The following SNX6 variants were observed in gnomAD, a reference collection of about 807,000 sequenced individuals.
SNX6 encodes the protein sorting nexin 6, also known as sorting nexin-6.
SNX6 carries 34 observed loss-of-function variants against 63.0 expected under a neutral mutation model. That is an observed-to-expected ratio of 0.54 (90% CI 0.41 to 0.72). The LOEUF (loss-of-function observed/expected upper bound fraction) is 0.72. SNX6 is among the 30% of genes least tolerant of loss of function. SNX6 has a pLI of 0.00. For synonymous variants in SNX6, 170 were observed against 164.2 expected (o/e 1.04, Z -0.27); for missense variants, 398 against 471.4 (o/e 0.84, Z 1.44).
rs936080802 is a variant in SNX6 at position 34,567,613 on chromosome 14, T to G, written c.1167+73A>C. 1.2e-5 allele frequency: 14 copies of G among 1,167,620 alleles called. No homozygotes were observed. In the South Asian group the frequency reaches 1.7e-4, roughly 14 times the overall value. The allele number at this position is 1,167,620 out of a possible 1,614,324, so 72.3% of individuals were successfully genotyped here. A position where few individuals can be genotyped will look rare whatever the true frequency, so the allele number is the denominator to read the frequency against. ...CCCTATGAGAACTGACATTAAAGAATTATCAATGTCATAACTGATTCATTT... is the reference window on the plus strand; with the variant it reads ...CCCTATGAGAACTGACATTAAAGAAGTATCAATGTCATAACTGATTCATTT... On this transcript the variant is annotated intron_variant, in intron 13 of 13. Transcript: ENST00000362031.
intron 8 of SNX6, among the ~76,000 whole-genome samples, chr14:34,587,798 ATTTTTT>A (rs1168575667): frequency 9.3e-6 from 1 of 107,060 alleles, no homozygotes; most frequent in African/African-American, 3.5e-5. Context: ...CGGTTGGCTA[ATTTTTT>A]TTTTTTTTTT....
At chr14:34,586,640 A>G (rs1882167995) in intron 8 of SNX6, among the ~76,000 whole-genome samples, 1 of 152,050 alleles carries the variant, frequency 6.6e-6, no homozygotes, top group South Asian at 2.1e-4. Flanking sequence ...CCCAGGACAC[A>G]GAGGTTGCAG....
At chr14:34,626,667 T>TAAAAAAA (rs1594755260) in intron 2 of SNX6, among the ~76,000 whole-genome samples, 31 of 20,690 alleles carry the variant, frequency 1.5e-3, no homozygotes, top group Admixed American at 2.3e-3. Context: ...AGACTCCATT[T>TAAAAAAA]CAAAAAAAAA....
chr14:34,597,405 C>T (rs941064393), intron 7 of SNX6, 145 bp downstream of exon 7: 1 of 595,484 alleles, frequency 1.7e-6, no homozygotes, highest in Non-Finnish European at 3.0e-6. Context: ...GAATCTAGGT[C>T]AGGAGGATTC....
intron 11 of SNX6, among the ~76,000 whole-genome samples, chr14:34,571,294 G>T (rs145498209): frequency 0.019 from 2,895 of 151,872 alleles, 87 homozygotes; most frequent in African/African-American, 0.065. Flanking sequence ...TTAGCCGGGC[G>T]TGGTGGTGGG....
rs188459583 is a variant in SNX6, at chr14:34,599,471, G to C, written c.517-1826C>G. On this transcript the variant is annotated intron_variant, in intron 6 of 13. Coordinates refer to ENST00000362031, the MANE Select transcript of SNX6 (RefSeq NM_152233.4). ...AAAATACTAAAACTAGCTGGGCGTC[G>C]TGGCATCCGCCTATAATCCCAGCTA... Among the ~76,000 whole-genome samples, 45 of 152,182 alleles carry C rather than the reference G, an allele frequency of 3.0e-4. No homozygotes were observed. In the East Asian group the frequency reaches 7.3e-3, roughly 25 times the overall value.
At chr14:34,569,623 C>T (rs555709064) in intron 11 of SNX6, among the ~76,000 whole-genome samples, 1 of 152,154 alleles carries the variant, frequency 6.6e-6, no homozygotes, top group South Asian at 2.1e-4. Flanking sequence ...GATGGGGATT[C>T]ACCTATTCTG....
chr14:34,610,330 G>A (rs116721085), intron 2 of SNX6, among the ~76,000 whole-genome samples: 3,069 of 131,490 alleles, frequency 0.023, 110 homozygotes, highest in African/African-American at 0.08. Flanking sequence ...ACTCCAGCCT[G>A]GATGACAGAG....
intron 10 of SNX6, among the ~76,000 whole-genome samples, chr14:34,576,306 A>G (rs1881699032): frequency 6.6e-6 from 1 of 151,938 alleles, no homozygotes; most frequent in Admixed American, 6.6e-5. Flanking sequence ...TAACTATAGT[A>G]TCCATTCCTA....
Position 34,603,444 on chromosome 14 carries a change from T to C in SNX6, c.420A>G (p.Thr140=), listed in dbSNP as rs762247733. ...ACAGGAACACTTCATGCATCGCAAC[T>C]GTCTTCTTGAATATTGCCAAATATT... ...EAEYLAIFKK[T]VAMHEVFLCR... Residue 140 remains threonine (T), a synonymous_variant, in exon 6 of 14, where the codon ACA becomes ACG. Coordinates refer to ENST00000362031, the MANE Select transcript of SNX6 (RefSeq NM_152233.4). 5.0e-6 allele frequency: 8 copies of C among 1,600,740 alleles called. No individual in the cohort carries two copies. Among genetic ancestry groups the C allele is most frequent in the Non-Finnish European group, 6.0e-6 (7 of 1,174,106 alleles).
intron 2 of SNX6, among the ~76,000 whole-genome samples, chr14:34,626,378 G>A (rs1425583370): frequency 1.3e-5 from 2 of 151,880 alleles, no homozygotes; most frequent in African/African-American, 2.4e-5. Flanking sequence ...TCTGGGGCCA[G>A]GCACGGTGGC....
chr14:34,576,415 G>A (rs1490763861), intron 10 of SNX6, among the ~76,000 whole-genome samples: 1 of 147,752 alleles, frequency 6.8e-6, no homozygotes, highest in Non-Finnish European at 1.5e-5. Flanking sequence ...AATGAGACTC[G>A]TGAGTTTATG....
At position 34,567,745 on chromosome 14, in the gene SNX6, C is replaced by T; in HGVS notation, c.1108G>A (p.Val370Ile). 2 of 1,613,842 alleles carry T rather than the reference C, an allele frequency of 1.2e-6. No individual in the cohort carries two copies. Among genetic ancestry groups the T allele is most frequent in the South Asian group, 2.2e-5 (2 of 91,070 alleles). ...QELIDFKTRR[V>I]AAFRKNLVEL... is the part of the protein sequence containing the mutation. ...ACTAAATTTTTTCTGAATGCAGCAA[C>T]TCTTCTTGTCTTAAAATCTATAAGT... The change falls in exon 13 of 14, where the codon GTT becomes ATT. Residue 370 changes from valine to isoleucine, a missense_variant. Coordinates refer to ENST00000362031, the MANE Select transcript of SNX6 (RefSeq NM_152233.4).
intron 6 of SNX6, among the ~76,000 whole-genome samples, chr14:34,602,425 T>TAAA (rs36102476): frequency 2.9e-5 from 4 of 138,598 alleles, no homozygotes; most frequent in African/African-American, 7.9e-5. Flanking sequence ...GAAACTGTCT[T>TAAA]AAAAAAAAAA....
intron 4 of SNX6, among the ~76,000 whole-genome samples, chr14:34,606,228 GCT>G (rs1297320578): frequency 7.4e-6 from 1 of 135,084 alleles, no homozygotes; most frequent in Non-Finnish European, 1.6e-5. Flanking sequence ...ACGGTGTCTT[GCT>G]CTGTTTCCCA....
intron 8 of SNX6, 88 bp downstream of exon 8, chr14:34,592,957 C>T (rs1882455911): frequency 2.2e-6 from 2 of 917,394 alleles, no homozygotes; most frequent in African/African-American, 1.7e-5. Flanking sequence ...AGAACTACTG[C>T]TCTATATTAA....
intron 5 of SNX6, chr14:34,604,069 AAC>A: frequency 8.9e-7 from 1 of 1,123,444 alleles, no homozygotes; most frequent in African/African-American, 1.6e-5. Context: ...AAAAAAAAAA[AAC>A]ATTCAAGGAA....
At chr14:34,623,505 A>T (rs896656085) in intron 2 of SNX6, among the ~76,000 whole-genome samples, 9 of 152,202 alleles carry the variant, frequency 5.9e-5, no homozygotes, top group African/African-American at 2.2e-4. Flanking sequence ...TCATTTTAGT[A>T]ATATAAGTAA....
At chr14:34,611,771 A>G (rs902567782) in intron 2 of SNX6, among the ~76,000 whole-genome samples, 1 of 143,710 alleles carries the variant, frequency 7.0e-6, no homozygotes, top group Non-Finnish European at 1.5e-5. Flanking sequence ...AAAAAAAGAG[A>G]AATCTGTTCC....
Sources: gnomAD v4.1 joint callset for allele counts (sites outside exome capture counted in the v4.1 genomes callset) on GRCh38, gnomAD v4.1.1 for gene constraint, MANE v1.5 for transcripts, NCBI Gene and HGNC (gene_info 2026-07-23, HGNC 2026-07-21) for gene names.